The following FPR1 variants were observed in gnomAD, a reference collection of about 807,000 sequenced individuals.
The protein encoded by FPR1 is N-formyl peptide receptor 1.
For missense variants in FPR1, 407 were observed against 453.0 expected (o/e 0.90, Z 0.92); for synonymous variants, 193 against 176.7 (o/e 1.09, Z -0.73).
In FPR1 at chr19:51,746,972, G is replaced by GTTACCTT; in HGVS notation, c.22_23insAAGGTAA (p.Pro8GlnfsTer66). 1 of 1,612,324 alleles carries GTTACCTT rather than the reference G, an allele frequency of 6.2e-7. No individual in the cohort carries two copies. The highest frequency in any genetic ancestry group is 8.5e-7 in the Non-Finnish European group (1 of 1,178,678). ...AGGTGTCCCTCCAGAGATGTTCGTG[G>GTTACCTT]GGAGAGAGGAATTTGTCTCCATCTT... On this transcript the variant is annotated frameshift_variant, in exon 2 of 2. Transcript: ENST00000304748. LOFTEE classifies it low-confidence loss of function (END_TRUNC). This position sits in a 1 kb window ranked among gnomAD's most constrained non-coding sequence, Gnocchi z 4.3.
At chr19:51,747,211 A>T (rs2083753850) in intron 1 of FPR1, among the ~76,000 whole-genome samples, 2 of 145,350 alleles carry the variant, frequency 1.4e-5, no homozygotes, top group African/African-American at 5.1e-5. Context: ...CCTGTTGGGC[A>T]AGATTACATC....
downstream of FPR1, chr19:51,745,770 TA>T: frequency 1.7e-6 from 1 of 601,856 alleles, no homozygotes; most frequent in Non-Finnish European, 2.9e-6. Flanking sequence ...AAGAAGTCAA[TA>T]ATAAACTCAT....
downstream of FPR1, chr19:51,745,180 G>A (rs1162537587): frequency 6.6e-6 from 1 of 151,224 alleles, no homozygotes; most frequent in Non-Finnish European, 1.5e-5. Flanking sequence ...TTCTGAGCCG[G>A]AGTCTCTCTC....
At chr19:51,745,736 C>T (rs553699307), downstream of FPR1, 8 of 536,480 alleles carry the variant, frequency 1.5e-5, no homozygotes, top group Admixed American at 2.0e-4. Flanking sequence ...CCTGACCACC[C>T]AAGGCTGAGG....
chr19:51,751,369 A>G (rs1233540769), intron 1 of FPR1, among the ~76,000 whole-genome samples: 1 of 151,874 alleles, frequency 6.6e-6, no homozygotes, highest in Non-Finnish European at 1.5e-5. Flanking sequence ...TCTAGAGCCT[A>G]TTTGTTTATT....
intron 1 of FPR1, among the ~76,000 whole-genome samples, chr19:51,749,639 C>A (rs2083769091): frequency 6.6e-6 from 1 of 151,746 alleles, no homozygotes; most frequent in Admixed American, 6.6e-5. Flanking sequence ...GGCCTTCTCT[C>A]TTTTTTTTAA....
chr19:51,746,996 T>G lies in FPR1; in HGVS notation c.-2A>C. The G allele has an allele frequency of 6.2e-7, 1 of 1,605,466 alleles. No homozygotes were observed. Among genetic ancestry groups the G allele is most frequent in the Non-Finnish European group, 8.5e-7 (1 of 1,173,744 alleles). ...GGGGAGAGAGGAATTTGTCTCCATC[T>G]TGTCTGCTCCTGAAATAGTGCAGTC... On this transcript the variant is annotated 5_prime_UTR_variant, in exon 2 of 2. Transcript: ENST00000304748. This position sits in a 1 kb window ranked among gnomAD's most constrained non-coding sequence, Gnocchi z 4.3.
In FPR1 at chr19:51,746,514, T is replaced by C. The variant is rs2083746673; in HGVS notation, c.481A>G (p.Ile161Val). The C allele has an allele frequency of 2.5e-6, 4 of 1,614,080 alleles. No homozygotes were observed. The highest frequency in any genetic ancestry group is 3.4e-6 in the Non-Finnish European group (4 of 1,180,018). Residue 161 changes from isoleucine to valine, a missense_variant, in exon 2 of 2, where the codon ATC becomes GTC. By Grantham distance (29) the Ile-to-Val change is conservative (BLOSUM62 3). Transcript: ENST00000304748. The surrounding 1 kb of genome is among the most constrained non-coding windows in gnomAD (Gnocchi z 4.3). ...CCAGGTACTGTAGTCACACGAATGA[T>C]AACTGGCAATGTGAGGAGCAGAGCC... ...VMALLLTLPV[I>V]IRVTTVPGKT...
In FPR1 at chr19:51,746,853, T is replaced by C. The variant is rs2083750900; in HGVS notation, c.142A>G (p.Ile48Val). 1 of 1,613,968 alleles carries C rather than the reference T, an allele frequency of 6.2e-7. No homozygotes were observed. The highest frequency in any genetic ancestry group is 8.5e-7 in the Non-Finnish European group (1 of 1,179,990). Residue 48 changes from isoleucine (I) to valine (V), a missense_variant, in exon 2 of 2, where the codon ATC becomes GTC. Transcript: ENST00000304748. The surrounding 1 kb of genome is among the most constrained non-coding windows in gnomAD (Gnocchi z 4.3). ...GTCATCCGGAATCCAGCCACCCAGA[T>C]CACAAGCCCGTTGCCCAGGACCCCG... Reference protein sequence around the residue: ...VLGVLGNGLVIWVAGFRMTHT... With the variant: ...VLGVLGNGLVVWVAGFRMTHT...
chr19:51,749,787 G>A (rs2083769787), intron 1 of FPR1, among the ~76,000 whole-genome samples: 2 of 152,002 alleles, frequency 1.3e-5, no homozygotes, highest in Admixed American at 1.3e-4. Flanking sequence ...TCAGCCTCCT[G>A]AGTAGCTGGG....
intron 1 of FPR1, among the ~76,000 whole-genome samples, chr19:51,749,757 G>T (rs551427072): frequency 2.6e-5 from 4 of 152,094 alleles, no homozygotes; most frequent in African/African-American, 9.6e-5. Context: ...CGCCTCCCAG[G>T]TTCAAGCAAT....
intron 1 of FPR1, among the ~76,000 whole-genome samples, chr19:51,748,530 G>C (rs2083761910): frequency 6.6e-6 from 1 of 152,194 alleles, no homozygotes; most frequent in Non-Finnish European, 1.5e-5. Context: ...GTGCGATCTT[G>C]GCTCACTGCA....
In FPR1 at chr19:51,746,931, A is replaced by T; in HGVS notation, c.64T>A (p.Tyr22Asn). ...TAAGTGATGATATCCAGGAAGAGAT[A>T]GCCAGCAGATACAGCAGGTGTCCCT... ...SGGTPAVSAGYLFLDIITYLV... is the reference protein window; with the variant it reads ...SGGTPAVSAGNLFLDIITYLV... Residue 22 changes from tyrosine to asparagine, a missense_variant, in exon 2 of 2, where the codon TAT becomes AAT. Coordinates refer to ENST00000304748, the MANE Select transcript of FPR1 (RefSeq NM_002029.4). The surrounding 1 kb of genome is among the most constrained non-coding windows in gnomAD (Gnocchi z 4.3). The T allele has an allele frequency of 6.2e-7, 1 of 1,614,170 alleles. No homozygotes were observed. Among genetic ancestry groups the T allele is most frequent in the Non-Finnish European group, 8.5e-7 (1 of 1,180,010 alleles).
At chr19:51,749,185 A>G (rs147827946) in intron 1 of FPR1, among the ~76,000 whole-genome samples, 1,572 of 151,154 alleles carry the variant, frequency 0.01, 26 homozygotes, top group African/African-American at 0.032. Flanking sequence ...ATTGCACTCC[A>G]GCCTGGGCGA....
chr19:51,745,933 G>A lies in FPR1; in HGVS notation c.*9C>T. 6.2e-7 allele frequency: 1 copy of A among 1,603,270 alleles called. No homozygotes were observed. The highest frequency in any genetic ancestry group is 8.5e-7 in the Non-Finnish European group (1 of 1,171,130). ...GCTGGGAGCTCGAAAGTGTCCCCCA[G>A]CTCCCTCCTCACTTTGCCTGTAACT... On this transcript the variant is annotated 3_prime_UTR_variant, in exon 2 of 2. Transcript: ENST00000304748.
rs373135788 is a variant in FPR1 at position 51,745,919 on chromosome 19, G to A, written c.*23C>T. 6.0e-5 allele frequency: 96 copies of A among 1,586,970 alleles called. No individual in the cohort carries two copies. Among genetic ancestry groups the A allele is most frequent in the Middle Eastern group, 1.7e-4 (1 of 5,978 alleles). ...GAGACGAAGCTGGAGCTGGGAGCTC[G>A]AAAGTGTCCCCCAGCTCCCTCCTCA... is the stretch of plus-strand genomic sequence containing the variant. On this transcript the variant is annotated 3_prime_UTR_variant, in exon 2 of 2. Transcript: ENST00000304748.
At position 51,746,644 on chromosome 19, in the gene FPR1, G is replaced by A; in HGVS notation, c.351C>T (p.Ala117=). The A allele has an allele frequency of 6.2e-7, 1 of 1,614,168 alleles. No homozygotes were observed. Among genetic ancestry groups the A allele is most frequent in the South Asian group, 1.1e-5 (1 of 91,082 alleles). ...AAACACAGCGGTCCAGAGCAATGAG[G>A]GCGATCAGGAAGACACTTCCGAACA... ...INLFGSVFLI[A]LIALDRCVCV... The change falls in exon 2 of 2, where the codon GCC becomes GCT. Residue 117 remains alanine, a synonymous_variant. Coordinates refer to ENST00000304748, the MANE Select transcript of FPR1 (RefSeq NM_002029.4). The surrounding 1 kb of genome is among the most constrained non-coding windows in gnomAD (Gnocchi z 4.3).
Position 51,746,484 on chromosome 19 carries a change from T to G in FPR1, c.511A>C (p.Thr171Pro), listed in dbSNP as rs771064181. Reference protein sequence around the residue: ...IIRVTTVPGKTGTVACTFNFS... With the variant: ...IIRVTTVPGKPGTVACTFNFS... ...TTAAAAGTGCAGGCTACTGTCCCCG[T>G]TTTACCAGGTACTGTAGTCACACGA... The change falls in exon 2 of 2, where the codon ACG becomes CCG. Residue 171 changes from threonine to proline, a missense_variant. Thr to Pro is a conservative substitution (Grantham distance 38). Coordinates refer to ENST00000304748, the MANE Select transcript of FPR1 (RefSeq NM_002029.4). This position sits in a 1 kb window ranked among gnomAD's most constrained non-coding sequence, Gnocchi z 4.3. 1.9e-6 allele frequency: 3 copies of G among 1,613,940 alleles called. No individual in the cohort carries two copies. Among genetic ancestry groups the G allele is most frequent in the Non-Finnish European group, 2.5e-6 (3 of 1,179,966 alleles).
At chr19:51,751,044 C>T (rs986893912) in intron 1 of FPR1, among the ~76,000 whole-genome samples, 3 of 152,160 alleles carry the variant, frequency 2.0e-5, no homozygotes, top group Non-Finnish European at 4.4e-5. Context: ...ATCATAAAGT[C>T]GTTAGGGCTC....
Sources: gnomAD v4.1 joint callset for allele counts (sites outside exome capture counted in the v4.1 genomes callset) on GRCh38, gnomAD v4.1.1 for gene constraint, Gnocchi (gnomAD v3.1) non-coding constraint, MANE v1.5 for transcripts, NCBI Gene and HGNC (gene_info 2026-07-23, HGNC 2026-07-21) for gene names.